The following GALR1 variants were observed in gnomAD, a reference collection of about 807,000 sequenced individuals.
GALR1 encodes galanin receptor 1, also known as galanin receptor type 1.
Under a neutral mutation model 17.9 loss-of-function variants are expected in GALR1, and 11 were observed. The observed-to-expected ratio is 0.62, with a 90% CI of 0.39 to 1.02. The LOEUF is 1.02. Ranked by LOEUF, GALR1 falls within the 50% of genes least tolerant of loss-of-function variation. The pLI is 0.01. For synonymous variants in GALR1, 206 were observed against 205.7 expected (o/e 1.00, Z -0.01); for missense variants, 441 against 456.9 (o/e 0.97, Z 0.32).
At chr18:77,257,994 T>G (rs1912630276) in intron 2 of GALR1, among the ~76,000 whole-genome samples, 1 of 152,238 alleles carries the variant, frequency 6.6e-6, no homozygotes, top group Non-Finnish European at 1.5e-5. Context: ...ATCTTACTTG[T>G]GTCGATGGTA....
rs144097314 is a variant in GALR1, at chr18:77,256,128, G to A, written c.667-30G>A. ...GGCAGTGGGTTATGAGAGGTGAGGCGAACTGATTTCAATAGTCTGTGTCTT... is the reference window on the plus strand; with the variant it reads ...GGCAGTGGGTTATGAGAGGTGAGGCAAACTGATTTCAATAGTCTGTGTCTT... On this transcript the variant is annotated intron_variant, in intron 1 of 2. Coordinates refer to ENST00000299727, the MANE Select transcript of GALR1 (RefSeq NM_001480.4). The A allele has an allele frequency of 1.2e-4, 162 of 1,372,656 alleles. No homozygotes were observed. The African/African-American group carries it at 1.9e-3, about 16-fold the overall frequency. The allele number at this position is 1,372,656 out of a possible 1,614,324, so 85.0% of individuals were successfully genotyped here.
At chr18:77,257,757 A>G (rs1912623860) in intron 2 of GALR1, among the ~76,000 whole-genome samples, 1 of 152,244 alleles carries the variant, frequency 6.6e-6, no homozygotes. Context: ...CATGGAAGCC[A>G]ACATTGTAAT....
chr18:77,267,487 T>C (rs902244889), intron 2 of GALR1, among the ~76,000 whole-genome samples: 1 of 152,214 alleles, frequency 6.6e-6, no homozygotes, highest in African/African-American at 2.4e-5. Context: ...GGTGAAATAA[T>C]GCATGTGGTC....
At chr18:77,254,108 G>A (rs1912531187) in intron 1 of GALR1, 1 of 152,170 alleles carries the variant, frequency 6.6e-6, no homozygotes, top group South Asian at 2.1e-4. Context: ...GAATCCCCAG[G>A]ATGTAGCCAG....
At chr18:77,255,829 G>A (rs1912575268) in intron 1 of GALR1, among the ~76,000 whole-genome samples, 1 of 152,198 alleles carries the variant, frequency 6.6e-6, no homozygotes, top group African/African-American at 2.4e-5. Context: ...AGACAATAGT[G>A]TAATAAGCAC....
intron 2 of GALR1, 64 bp downstream of exon 2, chr18:77,256,287 T>G: frequency 1.0e-6 from 1 of 956,486 alleles, no homozygotes; most frequent in Non-Finnish European, 1.7e-6. Context: ...TTGTTTTTTT[T>G]ACTTGTCCTC....
intron 2 of GALR1, among the ~76,000 whole-genome samples, chr18:77,266,983 C>T (rs948605273): frequency 9.2e-5 from 14 of 152,236 alleles, no homozygotes; most frequent in Non-Finnish European, 7.3e-5. Context: ...TAAAATATTA[C>T]AGCCTGGACT....
In GALR1 at chr18:77,276,639, G is replaced by A. The variant is rs569689067; in HGVS notation, c.*7737G>A. 2.1e-4 allele frequency: 32 copies of A among 152,290 alleles called. No individual in the cohort carries two copies. The highest frequency in any genetic ancestry group is 8.5e-4 in the Admixed American group (13 of 15,300). The allele number at this position is 152,290 out of a possible 1,614,324, so 9.4% of individuals were successfully genotyped here. A position where few individuals can be genotyped will look rare whatever the true frequency, so the allele number is the denominator to read the frequency against. On this transcript the variant is annotated 3_prime_UTR_variant, in exon 3 of 3. Coordinates refer to ENST00000299727, the MANE Select transcript of GALR1 (RefSeq NM_001480.4). ...TGATTTAATTGGTTTGAAGGTGAAG[G>A]TGGAGTCCAGGCTTTTTAAAACAGT...
At chr18:77,260,600 G>A (rs113092130) in intron 2 of GALR1, among the ~76,000 whole-genome samples, 9,155 of 152,310 alleles carry the variant, frequency 0.06, 348 homozygotes, top group Admixed American at 0.097. Flanking sequence ...CCGTCCATAC[G>A]GGGCTTTCCT....
intron 2 of GALR1, among the ~76,000 whole-genome samples, chr18:77,257,184 T>C (rs1228082777): frequency 1.3e-5 from 2 of 152,210 alleles, no homozygotes; most frequent in Non-Finnish European, 2.9e-5. Context: ...TTTCCTTCTT[T>C]ATGAACAGTA....
At position 77,277,701 on chromosome 18, in the gene GALR1, A is replaced by T. The variant is rs765107099; in HGVS notation, c.*8799A>T. ...CTCTAGAGAGCTGGCCATACAATTT[A>T]TCTCATTATTTATAGATCTAGCATG... is the stretch of plus-strand genomic sequence containing the variant. On this transcript the variant is annotated 3_prime_UTR_variant, in exon 3 of 3. Coordinates refer to ENST00000299727, the MANE Select transcript of GALR1 (RefSeq NM_001480.4). 6.6e-6 allele frequency: 1 copy of T among 152,208 alleles called. No homozygotes were observed. The highest frequency in any genetic ancestry group is 1.5e-5 in the Non-Finnish European group (1 of 68,038). 9.4% of individuals were successfully genotyped at this position (152,208 alleles called of 1,614,324 possible). A position where few individuals can be genotyped will look rare whatever the true frequency, so the allele number is the denominator to read the frequency against.
At chr18:77,264,219 C>T (rs1912897020) in intron 2 of GALR1, among the ~76,000 whole-genome samples, 3 of 150,728 alleles carry the variant, frequency 2.0e-5, no homozygotes. Flanking sequence ...CTGTGGTTCC[C>T]ACTGCCCTGT....
At chr18:77,262,772 C>G (rs377479281) in intron 2 of GALR1, among the ~76,000 whole-genome samples, 2 of 152,188 alleles carry the variant, frequency 1.3e-5, no homozygotes, top group African/African-American at 4.8e-5. Context: ...TATGCAAATA[C>G]CCATTAAGCC....
rs1913185053 is a variant in GALR1, at chr18:77,277,819, C to G, written c.*8917C>G. ...ATCTAGTCATCCTCCATCATCCTAC[C>G]TCTGTGTTCTGCATGAAATATAATT... On this transcript the variant is annotated 3_prime_UTR_variant, in exon 3 of 3. Transcript: ENST00000299727. The G allele has an allele frequency of 1.3e-5, 2 of 152,164 alleles. No homozygotes were observed. The highest frequency in any genetic ancestry group is 2.9e-5 in the Non-Finnish European group (2 of 68,038). 9.4% of individuals were successfully genotyped at this position (152,164 alleles called of 1,614,324 possible). A position where few individuals can be genotyped will look rare whatever the true frequency, so the allele number is the denominator to read the frequency against.
At position 77,269,938 on chromosome 18, in the gene GALR1, T is replaced by G. The variant is rs142123089; in HGVS notation, c.*1036T>G. 6.6e-6 allele frequency: 1 copy of G among 152,244 alleles called. No individual in the cohort carries two copies. Among genetic ancestry groups the G allele is most frequent in the African/African-American group, 2.4e-5 (1 of 41,472 alleles). The allele number at this position is 152,244 out of a possible 1,614,324, so 9.4% of individuals were successfully genotyped here. A position where few individuals can be genotyped will look rare whatever the true frequency, so the allele number is the denominator to read the frequency against. On this transcript the variant is annotated 3_prime_UTR_variant, in exon 3 of 3. Transcript: ENST00000299727. The stretch of plus-strand genomic sequence containing the variant: ...TGAATATACCTGGGGTATCCTATCT[T>G]GTACAAATGCATGCTTTTTCATTAA...
At chr18:77,258,567 G>GT (rs1239782642) in intron 2 of GALR1, among the ~76,000 whole-genome samples, 16 of 114,904 alleles carry the variant, frequency 1.4e-4, no homozygotes, top group Admixed American at 3.5e-4. Context: ...GGTCATAGTG[G>GT]GGGTGGTGGT....
chr18:77,251,163 C>A lies in GALR1; in HGVS notation c.615C>A (p.Phe205Leu), dbSNP rs766307458. ...RHKKAYVVCTFVFGYLLPLLL... is the reference protein window; with the variant it reads ...RHKKAYVVCTLVFGYLLPLLL... Reference sequence around the variant, plus strand: ...AGAAGGCCTACGTGGTGTGCACCTTCGTCTTCGGCTACCTGCTGCCGCTCC... The same window carrying A: ...AGAAGGCCTACGTGGTGTGCACCTTAGTCTTCGGCTACCTGCTGCCGCTCC... The change falls in exon 1 of 3, where the codon TTC becomes TTA. Residue 205 changes from phenylalanine (F) to leucine (L), a missense_variant. Physicochemically the swap from Phe to Leu is conservative, Grantham distance 22. Transcript: ENST00000299727. 3 of 1,611,090 alleles carry A rather than the reference C, an allele frequency of 1.9e-6. No individual in the cohort carries two copies. Among genetic ancestry groups the A allele is most frequent in the African/African-American group, 1.3e-5 (1 of 74,896 alleles).
intron 1 of GALR1, among the ~76,000 whole-genome samples, chr18:77,252,896 TCAC>T (rs1252635221): frequency 2.5e-3 from 199 of 78,104 alleles, no homozygotes; most frequent in South Asian, 0.013. Context: ...ACCACCACCA[TCAC>T]CACCACCACC....
intron 2 of GALR1, among the ~76,000 whole-genome samples, chr18:77,258,692 GGTGGTGGTCAT>G (rs1233155278): frequency 2.7e-5 from 4 of 147,672 alleles, no homozygotes; most frequent in South Asian, 2.2e-4. Context: ...TGGTGATGGT[GGTGGTGGTCAT>G]GTGATGGTGG....
Sources: allele counts gnomAD v4.1 joint callset (sites outside exome capture counted in the v4.1 genomes callset), GRCh38; gene constraint gnomAD v4.1.1; transcripts MANE v1.5; gene names NCBI Gene and HGNC (gene_info 2026-07-23, HGNC 2026-07-21).